UBR2: variants seen among roughly 807,000 people sequenced by gnomAD.
UBR2 encodes E3 ubiquitin-protein ligase UBR2.
In UBR2, 92 loss-of-function variants were observed where a neutral mutation model predicts 247.9. The ratio of observed to expected loss-of-function variants is 0.37; its 90% confidence interval spans 0.31 to 0.44. The LOEUF (loss-of-function observed/expected upper bound fraction) is 0.44, where lower values mean the gene tolerates loss of function less well. Among genes scored for constraint, UBR2 ranks in the 20% least tolerant of loss-of-function variants. UBR2 has a pLI of 1.00. For missense variants in UBR2, 1,613 were observed against 2,112.6 expected, an observed-to-expected ratio of 0.76 and a Z score of 4.64; for synonymous variants, 672 against 693.5, an observed-to-expected ratio of 0.97 and a Z score of 0.49.
At chr6:42,571,893 G>GGAC (rs763689054) in intron 1 of UBR2, among the ~76,000 whole-genome samples, 56 of 151,936 alleles carry the variant, frequency 3.7e-4, no homozygotes, top group African/African-American at 8.7e-4. Flanking sequence ...TGCTTGTTGA[G>GGAC]GACTCTTTTT....
At chr6:42,663,447 C>A (rs1194460396) in intron 32 of UBR2, 28 bp downstream of exon 32, 2 of 1,583,436 alleles carry the variant, frequency 1.3e-6, no homozygotes, top group East Asian at 2.3e-5. Context: ...ACAACTATTA[C>A]AAAGCAATAG....
At chr6:42,578,958 A>AACAAACACACACAC (rs1415279279) in intron 2 of UBR2, among the ~76,000 whole-genome samples, 81 of 116,370 alleles carry the variant, frequency 7.0e-4, no homozygotes, top group African/African-American at 2.9e-3. Context: ...CCATCTCAAA[A>AACAAACACACACAC]ACACACACAC....
At chr6:42,610,426 G>A (rs78008016) in intron 7 of UBR2, among the ~76,000 whole-genome samples, 1 of 152,172 alleles carries the variant, frequency 6.6e-6, no homozygotes, top group Non-Finnish European at 1.5e-5. Flanking sequence ...AAAGGTAGCA[G>A]CAACCCAAGT....
chr6:42,590,109 AT>A (rs1792560858), intron 2 of UBR2, among the ~76,000 whole-genome samples: 1 of 152,170 alleles, frequency 6.6e-6, no homozygotes, highest in South Asian at 2.1e-4. Flanking sequence ...TAATTAGTAC[AT>A]GTATTAATAT....
At chr6:42,635,044 C>T (rs1045866244) in intron 13 of UBR2, among the ~76,000 whole-genome samples, 1 of 152,098 alleles carries the variant, frequency 6.6e-6, no homozygotes, top group African/African-American at 2.4e-5. Flanking sequence ...TTATAAAATA[C>T]AGTTATAAAT....
chr6:42,607,734 T>A (rs1349253280), intron 7 of UBR2, among the ~76,000 whole-genome samples: 1 of 148,186 alleles, frequency 6.7e-6, no homozygotes, highest in Non-Finnish European at 1.5e-5. Context: ...TTTTTTTTTT[T>A]AGTAGAGAAG....
chr6:42,612,398 T>C (rs1582529113), intron 8 of UBR2, 107 bp downstream of exon 8: 3 of 1,233,126 alleles, frequency 2.4e-6, no homozygotes, highest in East Asian at 5.3e-5. Context: ...CCTGCTTTAA[T>C]TTTACATTTT....
intron 4 of UBR2, among the ~76,000 whole-genome samples, chr6:42,601,859 C>G (rs1008401328): frequency 1.5e-4 from 23 of 149,458 alleles, no homozygotes; most frequent in African/African-American, 5.4e-4. Context: ...CCTTTTTTCT[C>G]CATTCTTTTT....
intron 1 of UBR2, among the ~76,000 whole-genome samples, chr6:42,564,697 C>A (rs372532315): frequency 6.6e-6 from 1 of 152,268 alleles, no homozygotes; most frequent in African/African-American, 2.4e-5. Flanking sequence ...AGTCTCCCAA[C>A]ACATGGGCCT....
At chr6:42,580,385 T>C (rs1791802184) in intron 2 of UBR2, among the ~76,000 whole-genome samples, 1 of 152,226 alleles carries the variant, frequency 6.6e-6, no homozygotes, top group South Asian at 2.1e-4. Context: ...TTTGCCTAGA[T>C]GGTAAGAAAT....
At chr6:42,633,973 C>T (rs567260339) in intron 13 of UBR2, among the ~76,000 whole-genome samples, 9 of 152,244 alleles carry the variant, frequency 5.9e-5, no homozygotes, top group South Asian at 2.1e-4. Context: ...TCAAGTGATC[C>T]GCCCACCTCG....
In UBR2 at chr6:42,632,485, C is replaced by CT. The variant is rs141771056; in HGVS notation, c.1282-58dup. 5.4e-3 allele frequency: 7,277 copies of CT among 1,355,280 alleles called. 187 individuals are homozygous for CT. In the African/African-American group the frequency reaches 0.082, roughly 15 times the overall value. The allele number at this position is 1,355,280 out of a possible 1,614,324, so 84.0% of individuals were successfully genotyped here. A position where few individuals can be genotyped will look rare whatever the true frequency, so the allele number is the denominator to read the frequency against. ...TGAAGGAGCTAAACAATGTTGGTGA[C>CT]TTTTTTTTTAGTCTTCCTAGTACAT... On this transcript the variant is annotated intron_variant, in intron 11 of 46. Transcript: ENST00000372901.
intron 32 of UBR2, among the ~76,000 whole-genome samples, chr6:42,664,880 T>C (rs1474461207): frequency 6.6e-6 from 1 of 152,226 alleles, no homozygotes; most frequent in Non-Finnish European, 1.5e-5. Context: ...GAGCCAAGTT[T>C]GAATGCTAGC....
At chr6:42,603,056 T>C (rs1281838927) in intron 4 of UBR2, among the ~76,000 whole-genome samples, 1 of 152,146 alleles carries the variant, frequency 6.6e-6, no homozygotes, top group African/African-American at 2.4e-5. Context: ...CCTATTAACA[T>C]GCATGCACGT....
intron 8 of UBR2, among the ~76,000 whole-genome samples, chr6:42,614,246 G>A (rs71544459): frequency 0.33 from 7,285 of 22,400 alleles, 1,206 homozygotes; most frequent in East Asian, 0.54. Flanking sequence ...ACACACACAC[G>A]CGCGCACATA....
chr6:42,672,454 T>C (rs1798502842), intron 36 of UBR2, among the ~76,000 whole-genome samples: 1 of 152,130 alleles, frequency 6.6e-6, no homozygotes, highest in Admixed American at 6.6e-5. Context: ...TAGATTATCA[T>C]AGCAGTTTTT....
chr6:42,577,816 G>A (rs73436687), intron 2 of UBR2, among the ~76,000 whole-genome samples: 2,529 of 152,046 alleles, frequency 0.017, 61 homozygotes, highest in African/African-American at 0.059. Flanking sequence ...CATTGGGGGC[G>A]GGGGTGGCTT....
At chr6:42,669,968 C>A in intron 34 of UBR2, 124 bp from the exon 35 acceptor site, 1 of 1,204,082 alleles carries the variant, frequency 8.3e-7, no homozygotes, top group Non-Finnish European at 1.2e-6. Flanking sequence ...TCACTGCATA[C>A]AATTATCTCT....
Position 42,564,729 on chromosome 6 carries a change from G to T in UBR2, c.78+332G>T, listed in dbSNP as rs186842310. ...GCCTTTGCCCTTTATATCAGCTCTT[G>T]GAAGAGGAGAAGAGACGCTTCTTGT... On this transcript the variant is annotated intron_variant, in intron 1 of 46. Coordinates refer to ENST00000372901, the MANE Select transcript of UBR2 (RefSeq NM_001363705.2). Among the ~76,000 whole-genome samples, 1,014 of 152,300 alleles carry T rather than the reference G, an allele frequency of 6.7e-3. 9 individuals are homozygous for T. The highest frequency in any genetic ancestry group is 0.021 in the African/African-American group (889 of 41,554).
Sources: gnomAD v4.1 joint callset for allele counts (sites outside exome capture counted in the v4.1 genomes callset) on GRCh38, gnomAD v4.1.1 for gene constraint, MANE v1.5 for transcripts, NCBI Gene and HGNC (gene_info 2026-07-23, HGNC 2026-07-21) for gene names.